The following RFT1 variants were observed in gnomAD, a reference collection of about 807,000 sequenced individuals.
RFT1 encodes man(5)GlcNAc(2)-PP-dolichol translocation protein RFT1.
RFT1 carries 43 observed loss-of-function variants against 62.2 expected under a neutral mutation model. The ratio of observed to expected loss-of-function variants is 0.69; its 90% CI spans 0.54 to 0.89. The LOEUF is 0.89. RFT1 is among the 40% of genes least tolerant of loss of function. The pLI, the probability that RFT1 is intolerant of heterozygous loss-of-function variation, is 0.00. For missense variants in RFT1, 605 were observed against 649.9 expected (o/e 0.93, Z 0.75); for synonymous variants, 262 against 264.6 (o/e 0.99, Z 0.10).
intron 1 of RFT1, among the ~76,000 whole-genome samples, chr3:53,128,991 T>TG (rs1388126310): frequency 6.6e-6 from 1 of 152,218 alleles, no homozygotes; most frequent in East Asian, 1.9e-4. Flanking sequence ...GTCCAGTGTG[T>TG]TTTCCGTTAT....
In RFT1 at chr3:53,099,374, T is replaced by C. The variant is rs1396735977; in HGVS notation, c.1208+7A>G. The C allele has an allele frequency of 2.5e-6, 4 of 1,609,726 alleles. No homozygotes were observed. In the East Asian group the frequency reaches 8.9e-5, roughly 36 times the overall value. On this transcript the variant is annotated splice_region_variant and intron_variant, in intron 11 of 12. Coordinates refer to ENST00000296292, the MANE Select transcript of RFT1 (RefSeq NM_052859.4). ...ATGATTAAAGGTGTACCTGCTAGGTTACCCACCTGTCGACCTCCTCTTTGC... is the reference window on the plus strand; with the variant it reads ...ATGATTAAAGGTGTACCTGCTAGGTCACCCACCTGTCGACCTCCTCTTTGC...
chr3:53,122,672 T>A (rs1340821077), intron 3 of RFT1, 109 bp from the exon 4 acceptor site: 15 of 656,058 alleles, frequency 2.3e-5, no homozygotes, highest in Non-Finnish European at 3.1e-5. Flanking sequence ...ACAGCTACCA[T>A]TTATTTATAA....
chr3:53,093,268 A>C (rs75081682), intron 11 of RFT1, among the ~76,000 whole-genome samples: 1,737 of 152,294 alleles, frequency 0.011, 28 homozygotes, highest in African/African-American at 0.039. Flanking sequence ...GCTATTTTCC[A>C]GACTCTTACA....
intron 9 of RFT1, among the ~76,000 whole-genome samples, chr3:53,104,930 G>A (rs1419183193): frequency 6.6e-6 from 1 of 152,234 alleles, no homozygotes; most frequent in African/African-American, 2.4e-5. Context: ...AATTGGTGTG[G>A]TGAGCGAAAG....
the RFT1 span, among the ~76,000 whole-genome samples, chr3:53,067,093 C>G: frequency 1.3e-5 from 2 of 152,168 alleles, no homozygotes; most frequent in Admixed American, 1.3e-4. Flanking sequence ...TTTGGGAGGC[C>G]GAGGCGGGCG....
chr3:53,085,066 AAGG>A (rs1700828592), downstream of RFT1, among the ~76,000 whole-genome samples: 1 of 137,720 alleles, frequency 7.3e-6, no homozygotes, highest in Non-Finnish European at 1.6e-5. Context: ...ACTCAGAAGC[AAGG>A]AGGAGGGAGG....
At chr3:53,102,227 A>AG (rs983154693) in intron 10 of RFT1, among the ~76,000 whole-genome samples, 5 of 152,210 alleles carry the variant, frequency 3.3e-5, no homozygotes, top group Admixed American at 1.3e-4. Flanking sequence ...AGAGGTAGGA[A>AG]GGGGCCTCTC....
intron 9 of RFT1, among the ~76,000 whole-genome samples, chr3:53,104,906 T>C (rs1281965945): frequency 6.6e-6 from 1 of 152,242 alleles, no homozygotes; most frequent in African/African-American, 2.4e-5. Flanking sequence ...GTCCCAGTTG[T>C]AAGAAGCTTA....
At chr3:53,113,612 C>G (rs1701712430) in intron 6 of RFT1, among the ~76,000 whole-genome samples, 1 of 152,114 alleles carries the variant, frequency 6.6e-6, no homozygotes, top group South Asian at 2.1e-4. Context: ...CCACAGTGCA[C>G]AGGAAAAAGA....
the RFT1 span, among the ~76,000 whole-genome samples, chr3:53,069,950 A>T: frequency 6.6e-6 from 1 of 152,188 alleles, no homozygotes; most frequent in East Asian, 1.9e-4. Context: ...ATGGAGACAG[A>T]CTACTCCCCA....
At chr3:53,093,950 G>A (rs927514356) in intron 11 of RFT1, among the ~76,000 whole-genome samples, 1 of 152,102 alleles carries the variant, frequency 6.6e-6, no homozygotes, top group East Asian at 1.9e-4. Flanking sequence ...GGAGTTCAAG[G>A]CTATGGTGAG....
At position 53,091,923 on chromosome 3, in the gene RFT1, G is replaced by A. The variant is rs376867132; in HGVS notation, c.1606C>T (p.Arg536Cys). The change falls in exon 13 of 13, where the codon CGC becomes TGC. Residue 536 changes from arginine (R) to cysteine (C), a missense_variant. Arg to Cys is a radical substitution (Grantham distance 180). Transcript: ENST00000296292. The stretch of plus-strand genomic sequence containing the variant: ...TGAAGTCATGTCATTTTGTCAGTGC[G>A]TCTGGGCACACCTAACTGAGTCCTG... ...FLRTQLGVPR[R>C]TDKMT 3.4e-5 allele frequency: 55 copies of A among 1,614,088 alleles called. 1 individual carries two copies. The highest frequency in any genetic ancestry group is 3.3e-4 in the Middle Eastern group (2 of 6,078).
chr3:53,095,507 T>G (rs562694634), intron 11 of RFT1, among the ~76,000 whole-genome samples: 1 of 151,240 alleles, frequency 6.6e-6, no homozygotes, highest in Non-Finnish European at 1.5e-5. Flanking sequence ...AGCCCAGGAG[T>G]TGGAGACCAG....
downstream of RFT1, among the ~76,000 whole-genome samples, chr3:53,084,802 TGGAG>T (rs1159493789): frequency 1.3e-5 from 2 of 152,182 alleles, no homozygotes; most frequent in Non-Finnish European, 2.9e-5. Flanking sequence ...ACACATTTAT[TGGAG>T]GGAGAGAAGA....
chr3:53,075,020 G>A, the RFT1 span, among the ~76,000 whole-genome samples: 1 of 152,108 alleles, frequency 6.6e-6, no homozygotes, highest in Non-Finnish European at 1.5e-5. Context: ...ATACTGCATG[G>A]CTCAGGCCCT....
Position 53,091,590 on chromosome 3 carries a change from T to G in RFT1, c.*313A>C, listed in dbSNP as rs933480407. The G allele has an allele frequency of 2.7e-6, 1 of 365,650 alleles. No individual in the cohort carries two copies. The highest frequency in any genetic ancestry group is 5.2e-6 in the Non-Finnish European group (1 of 192,184). The allele number at this position is 365,650 out of a possible 1,614,324, so 22.7% of individuals were successfully genotyped here. A position where few individuals can be genotyped will look rare whatever the true frequency, so the allele number is the denominator to read the frequency against. ...GATATAGTTTGTTGGAGCATGTAGC[T>G]CCAAAGGCCAATCATACGCAAAAGG... On this transcript the variant is annotated 3_prime_UTR_variant, in exon 13 of 13. Transcript: ENST00000296292.
chr3:53,111,928 A>G lies in RFT1; in HGVS notation c.697-20T>C. The G allele has an allele frequency of 6.3e-7, 1 of 1,580,580 alleles. No homozygotes were observed. The highest frequency in any genetic ancestry group is 8.7e-7 in the Non-Finnish European group (1 of 1,151,868). On this transcript the variant is annotated intron_variant, in intron 6 of 12. Coordinates refer to ENST00000296292, the MANE Select transcript of RFT1 (RefSeq NM_052859.4). The stretch of plus-strand genomic sequence containing the variant: ...AAACGCCTAGAAGAGAAAACAAAAC[A>G]AAACAAAAACATCACAGGCGTTGCA...
At chr3:53,123,614 C>T (rs531383673) in intron 3 of RFT1, 110 bp downstream of exon 3, 14 of 862,052 alleles carry the variant, frequency 1.6e-5, no homozygotes, top group Admixed American at 1.4e-4. Flanking sequence ...AAACCCATGA[C>T]GAAACTGAAT....
chr3:53,105,417 C>T (rs377439850), intron 9 of RFT1, among the ~76,000 whole-genome samples: 1 of 140,382 alleles, frequency 7.1e-6, no homozygotes, highest in Admixed American at 7.7e-5. Flanking sequence ...CTATCCCCGC[C>T]CCCCCCCCCA....
Sources: allele counts gnomAD v4.1 joint callset (sites outside exome capture counted in the v4.1 genomes callset), GRCh38; gene constraint gnomAD v4.1.1; transcripts MANE v1.5; gene names NCBI Gene and HGNC (gene_info 2026-07-23, HGNC 2026-07-21).